RBM33: variants seen among roughly 807,000 people sequenced by gnomAD.
RBM33 encodes RNA-binding protein 33.
Under a neutral mutation model 132.6 loss-of-function variants are expected in RBM33, and 28 were observed. That is an observed-to-expected ratio of 0.21 (90% CI 0.16 to 0.29). The LOEUF is 0.29. Ranked by LOEUF, RBM33 falls within the 10% of genes least tolerant of loss-of-function variation. The probability of loss-of-function intolerance (pLI) is 1.00; values close to 1 mark genes in which losing one functional copy is unlikely to be tolerated. For missense variants in RBM33, 1,291 were observed against 1,518.5 expected (o/e 0.85, Z 2.49); for synonymous variants, 634 against 593.0 (o/e 1.07, Z -1.01).
intron 11 of RBM33, 152 bp downstream of exon 11, chr7:155,738,555 CT>C: frequency 1.3e-6 from 1 of 754,176 alleles, no homozygotes; most frequent in South Asian, 2.1e-5. Context: ...TTAAAGACAA[CT>C]TTTTTCAACA....
At chr7:155,769,599 C>A (rs189586825) in intron 16 of RBM33, among the ~76,000 whole-genome samples, 1 of 152,094 alleles carries the variant, frequency 6.6e-6, no homozygotes, top group Non-Finnish European at 1.5e-5. Context: ...CCTGTGAACT[C>A]GGTGGAAGGT....
intron 9 of RBM33, among the ~76,000 whole-genome samples, chr7:155,724,608 A>G (rs1415401838): frequency 6.6e-6 from 1 of 152,192 alleles, no homozygotes; most frequent in African/African-American, 2.4e-5. Context: ...TTAAAAATTG[A>G]GTGCTTTGAG....
At chr7:155,700,347 T>C (rs763558192) in intron 5 of RBM33, among the ~76,000 whole-genome samples, 11 of 152,168 alleles carry the variant, frequency 7.2e-5, no homozygotes, top group Non-Finnish European at 1.6e-4. Flanking sequence ...GTCAGAGTTA[T>C]AAAATGTTGA....
rs1563138306 is a variant in RBM33, at chr7:155,673,944, T to TGTTTTTTTTTTG, written c.171+1029_171+1030insGTTTTTTTTTTG. Among the ~76,000 whole-genome samples, 18 of 86,468 alleles carry TGTTTTTTTTTTG rather than the reference T, an allele frequency of 2.1e-4. 1 individual carries two copies. Among genetic ancestry groups the TGTTTTTTTTTTG allele is most frequent in the African/African-American group, 7.7e-4 (17 of 22,080 alleles). 56.7% of individuals were successfully genotyped at this position (86,468 alleles called of 152,430 possible). A position where few individuals can be genotyped will look rare whatever the true frequency, so the allele number is the denominator to read the frequency against. On this transcript the variant is annotated intron_variant, in intron 3 of 17. Coordinates refer to ENST00000401878, the MANE Select transcript of RBM33 (RefSeq NM_053043.3). ...TATCAAGATAGTTTAGGCTTAGTTT[T>TGTTTTTTTTTTG]TTTTTTTTTTTTTTTTTTTTTTTTT...
intron 16 of RBM33, 54 bp downstream of exon 16, chr7:155,766,709 A>G (rs2272479): frequency 0.21 from 314,398 of 1,529,126 alleles, 34,172 homozygotes; most frequent in African/African-American, 0.34. Context: ...CCAAGACAAA[A>G]TCATTTCTTG....
intron 9 of RBM33, among the ~76,000 whole-genome samples, chr7:155,721,788 A>G (rs576223403): frequency 6.6e-6 from 1 of 152,316 alleles, no homozygotes; most frequent in African/African-American, 2.4e-5. Context: ...TCTGAGGCCA[A>G]AATTTGGTAT....
At chr7:155,667,072 T>C (rs953376720) in intron 2 of RBM33, among the ~76,000 whole-genome samples, 4 of 152,352 alleles carry the variant, frequency 2.6e-5, no homozygotes, top group African/African-American at 7.2e-5. Flanking sequence ...ATGGATATAC[T>C]GTATATGTAA....
intron 8 of RBM33, among the ~76,000 whole-genome samples, chr7:155,716,272 C>T (rs1017058902): frequency 7.8e-5 from 11 of 140,838 alleles, no homozygotes; most frequent in Middle Eastern, 4.0e-3. Context: ...CTGGACTGTC[C>T]GCACGCAGCA....
intron 14 of RBM33, among the ~76,000 whole-genome samples, chr7:155,758,463 G>A (rs1020992490): frequency 7.9e-5 from 12 of 152,132 alleles, no homozygotes; most frequent in African/African-American, 2.9e-4. Flanking sequence ...CCTCGCGTGG[G>A]CAGTTCACAG....
intron 14 of RBM33, among the ~76,000 whole-genome samples, chr7:155,746,070 A>G (rs556574084): frequency 6.6e-6 from 1 of 152,360 alleles, no homozygotes; most frequent in African/African-American, 2.4e-5. Context: ...GAATGTTGTT[A>G]TGCGGCACAT....
At chr7:155,696,407 C>T (rs1378822869) in intron 5 of RBM33, among the ~76,000 whole-genome samples, 2 of 152,068 alleles carry the variant, frequency 1.3e-5, no homozygotes, top group Non-Finnish European at 2.9e-5. Context: ...AATCTATATC[C>T]ATTTCTTTCT....
chr7:155,741,559 A>G (rs1801337120), intron 12 of RBM33, among the ~76,000 whole-genome samples: 2 of 152,190 alleles, frequency 1.3e-5, no homozygotes, highest in African/African-American at 2.4e-5. Flanking sequence ...TGTAATTTCT[A>G]TGAAGAGGAG....
At chr7:155,652,651 C>T (rs1305508347) in intron 1 of RBM33, among the ~76,000 whole-genome samples, 2 of 152,104 alleles carry the variant, frequency 1.3e-5, no homozygotes, top group East Asian at 3.8e-4. Flanking sequence ...AAATTGATCC[C>T]CCTATTAAAA....
chr7:155,757,370 A>T (rs1801885255), intron 14 of RBM33, among the ~76,000 whole-genome samples: 1 of 152,146 alleles, frequency 6.6e-6, no homozygotes, highest in Non-Finnish European at 1.5e-5. Context: ...TAGAAAAAAA[A>T]ATTCATTTTT....
chr7:155,778,517 G>A lies in RBM33; in HGVS notation c.*3476G>A, dbSNP rs1802698278. ...CTTCTAACACACTGGCTTATCAGGG[G>A]AGGTCATCCAGTCCGGTCGGTGGAG... On this transcript the variant is annotated 3_prime_UTR_variant, in exon 18 of 18. Coordinates refer to ENST00000401878, the MANE Select transcript of RBM33 (RefSeq NM_053043.3). This position sits in a 1 kb window ranked among gnomAD's most constrained non-coding sequence, Gnocchi z 4.0. 1 of 152,224 alleles carries A rather than the reference G, an allele frequency of 6.6e-6. No individual in the cohort carries two copies. Among genetic ancestry groups the A allele is most frequent in the African/African-American group, 2.4e-5 (1 of 41,398 alleles). 9.4% of individuals were successfully genotyped at this position (152,224 alleles called of 1,614,324 possible). A position where few individuals can be genotyped will look rare whatever the true frequency, so the allele number is the denominator to read the frequency against.
chr7:155,738,084 G>A lies in RBM33; in HGVS notation c.1418G>A (p.Ser473Asn). Residue 473 changes from serine to asparagine, a missense_variant, in exon 11 of 18, where the codon AGC (serine) becomes AAC (asparagine). Coordinates refer to ENST00000401878, the MANE Select transcript of RBM33 (RefSeq NM_053043.3). ...GTTTCAGGTGAACCAAGATTCCCGAGCCATCTTTTTCTGGAACAGCGAAGT... is the reference window on the plus strand; with the variant it reads ...GTTTCAGGTGAACCAAGATTCCCGAACCATCTTTTTCTGGAACAGCGAAGT... ...LGVSGEPRFP[S>N]HLFLEQRSPP... The A allele has an allele frequency of 5.0e-6, 8 of 1,613,370 alleles. No individual in the cohort carries two copies. Among genetic ancestry groups the A allele is most frequent in the Non-Finnish European group, 6.8e-6 (8 of 1,179,492 alleles).
chr7:155,645,031 C>G (rs117348825), intron 1 of RBM33, 112 bp downstream of exon 1: 3 of 764,486 alleles, frequency 3.9e-6, no homozygotes, highest in African/African-American at 3.7e-5. Flanking sequence ...GGCTCCGACT[C>G]TCTTTGTGTT....
chr7:155,670,123 CTTCTGT>C (rs1376872104), intron 2 of RBM33, among the ~76,000 whole-genome samples: 2 of 152,208 alleles, frequency 1.3e-5, no homozygotes, highest in African/African-American at 4.8e-5. Context: ...TTGAGGATAA[CTTCTGT>C]TTCTAAGTAA....
rs189793110 is a variant in RBM33, at chr7:155,700,447, A to G, written c.568-326A>G. On this transcript the variant is annotated intron_variant, in intron 5 of 17. Coordinates refer to ENST00000401878, the MANE Select transcript of RBM33 (RefSeq NM_053043.3). ...TATGATCTGTATTAAACTCAAAGCA[A>G]TAAGTCCAGCAGGAATTTTTGGAAT... Among the ~76,000 whole-genome samples the G allele has an allele frequency of 7.9e-5, 12 of 152,260 alleles. No individual in the cohort carries two copies. In the East Asian group the frequency reaches 1.7e-3, roughly 22 times the overall value.
Sources: gnomAD v4.1 joint callset for allele counts (sites outside exome capture counted in the v4.1 genomes callset) on GRCh38, gnomAD v4.1.1 for gene constraint, Gnocchi (gnomAD v3.1) non-coding constraint, MANE v1.5 for transcripts, NCBI Gene and HGNC (gene_info 2026-07-23, HGNC 2026-07-21) for gene names.